The following PAIP2 variants were observed in gnomAD, a reference collection of about 807,000 sequenced individuals.
PAIP2 encodes the protein poly(A) binding protein interacting protein 2.
In PAIP2, 7 loss-of-function variants were observed where a neutral mutation model predicts 14.8. The ratio of observed to expected loss-of-function variants is 0.47; its 90% confidence interval spans 0.27 to 0.89. PAIP2 has a LOEUF of 0.89. PAIP2 is among the 40% of genes least tolerant of loss of function. PAIP2 has a pLI of 0.13. For synonymous variants in PAIP2, 47 were observed against 45.3 expected (o/e 1.04, Z -0.15); for missense variants, 122 against 154.7 (o/e 0.79, Z 1.12).
At chr5:139,366,808 C>A (rs1483473693) in intron 3 of PAIP2, among the ~76,000 whole-genome samples, 2 of 152,138 alleles carry the variant, frequency 1.3e-5, no homozygotes, top group African/African-American at 4.8e-5. Context: ...TGCTTGTAAT[C>A]CCAGCACTTT....
At chr5:139,352,705 A>G (rs1354446985) in intron 1 of PAIP2, among the ~76,000 whole-genome samples, 5 of 150,706 alleles carry the variant, frequency 3.3e-5, no homozygotes. Flanking sequence ...TCCTGACCTC[A>G]GGTGATCTTC....
In PAIP2 at chr5:139,368,889, CTG is replaced by C. The variant is rs752685890; in HGVS notation, c.*95_*96del. On this transcript the variant is annotated 3_prime_UTR_variant, in exon 4 of 4. Transcript: ENST00000265192. ...CTTAATTGTAAAAGCTCTCTTGTCA[CTG>C]TGTTACACTTATGCATTGCCAAAGT... 1.1e-6 allele frequency: 1 copy of C among 946,172 alleles called. No homozygotes were observed. The highest frequency in any genetic ancestry group is 1.7e-6 in the Non-Finnish European group (1 of 599,504). The allele number at this position is 946,172 out of a possible 1,614,324, so 58.6% of individuals were successfully genotyped here.
chr5:139,342,621 T>G (rs975385126), intron 1 of PAIP2: 3 of 152,188 alleles, frequency 2.0e-5, no homozygotes, highest in African/African-American at 7.2e-5. Flanking sequence ...TTTGGGGTAC[T>G]GGGAACCCTT....
At chr5:139,363,685 G>A (rs749106213) in intron 1 of PAIP2, 74 bp from the exon 2 acceptor site, 34 of 1,323,876 alleles carry the variant, frequency 2.6e-5, no homozygotes, top group Middle Eastern at 3.7e-4. Flanking sequence ...CCTGGATGAC[G>A]GAGTGAAACC....
chr5:139,356,856 C>G (rs1756930289), intron 1 of PAIP2, among the ~76,000 whole-genome samples: 1 of 143,170 alleles, frequency 7.0e-6, no homozygotes, highest in Non-Finnish European at 1.5e-5. Context: ...CACTGCACTT[C>G]AGCCTGAGTG....
intron 1 of PAIP2, among the ~76,000 whole-genome samples, chr5:139,361,581 T>G (rs1449645936): frequency 6.6e-6 from 1 of 152,168 alleles, no homozygotes; most frequent in Non-Finnish European, 1.5e-5. Context: ...TCAATTAGGT[T>G]AGATCATGTT....
chr5:139,368,864 C>CT lies in PAIP2; in HGVS notation c.*68dup. The CT allele has an allele frequency of 8.4e-7, 1 of 1,186,104 alleles. No homozygotes were observed. Among genetic ancestry groups the CT allele is most frequent in the Non-Finnish European group, 1.2e-6 (1 of 802,094 alleles). The allele number at this position is 1,186,104 out of a possible 1,614,324, so 73.5% of individuals were successfully genotyped here. ...ACACTGTGAAGGCAGTATTAGAAGA[C>CT]TTAATTGTAAAAGCTCTCTTGTCAC... On this transcript the variant is annotated 3_prime_UTR_variant, in exon 4 of 4. Transcript: ENST00000265192.
chr5:139,365,749 G>A (rs1757214842), intron 3 of PAIP2, among the ~76,000 whole-genome samples: 1 of 152,086 alleles, frequency 6.6e-6, no homozygotes, highest in Admixed American at 6.6e-5. Context: ...CGGCAACACT[G>A]TAGAGCTAGT....
intron 1 of PAIP2, among the ~76,000 whole-genome samples, chr5:139,355,203 C>T (rs780985823): frequency 7.7e-5 from 9 of 117,268 alleles, no homozygotes; most frequent in African/African-American, 2.3e-4. Flanking sequence ...AGTTTTCACT[C>T]TTGTTGCCCA....
intron 1 of PAIP2, among the ~76,000 whole-genome samples, chr5:139,352,946 G>A (rs560452070): frequency 4.6e-5 from 7 of 151,694 alleles, no homozygotes; most frequent in East Asian, 4.0e-4. Flanking sequence ...AGAAACTCCC[G>A]TCTCTACTAA....
chr5:139,367,872 C>G (rs1382974190), intron 3 of PAIP2, among the ~76,000 whole-genome samples: 9 of 152,284 alleles, frequency 5.9e-5, no homozygotes, highest in Admixed American at 3.9e-4. Flanking sequence ...TACACTTAAG[C>G]AAACTGAATT....
At chr5:139,348,836 C>G (rs922024328) in intron 1 of PAIP2, among the ~76,000 whole-genome samples, 4 of 151,930 alleles carry the variant, frequency 2.6e-5, no homozygotes, top group African/African-American at 9.7e-5. Flanking sequence ...TGCCACCACA[C>G]CCAGCTAATT....
At chr5:139,358,457 T>A (rs944976858) in intron 1 of PAIP2, among the ~76,000 whole-genome samples, 3 of 152,218 alleles carry the variant, frequency 2.0e-5, no homozygotes, top group Non-Finnish European at 4.4e-5. Context: ...TTTTTACTCA[T>A]TTTTTCTATC....
intron 3 of PAIP2, among the ~76,000 whole-genome samples, chr5:139,368,089 A>G (rs986591439): frequency 5.3e-5 from 8 of 152,330 alleles, no homozygotes; most frequent in African/African-American, 1.9e-4. Context: ...TAATCCCAGC[A>G]CTTTGGGAGG....
chr5:139,343,217 C>T (rs531254248), intron 1 of PAIP2: 1 of 152,222 alleles, frequency 6.6e-6, no homozygotes, highest in South Asian at 2.1e-4. Context: ...GAAAATTAGT[C>T]TGTTTATACT....
At chr5:139,360,212 G>A (rs562718196) in intron 1 of PAIP2, among the ~76,000 whole-genome samples, 8 of 152,094 alleles carry the variant, frequency 5.3e-5, no homozygotes, top group South Asian at 2.1e-4. Flanking sequence ...TGATCTGCCC[G>A]CCTTGGCCTC....
chr5:139,366,993 G>A (rs964466241), intron 3 of PAIP2, among the ~76,000 whole-genome samples: 1 of 152,174 alleles, frequency 6.6e-6, no homozygotes, highest in African/African-American at 2.4e-5. Context: ...CCAGGAGGCC[G>A]ATGCTGCAGT....
In PAIP2 at chr5:139,350,401, G is replaced by A. The variant is rs58056820; in HGVS notation, c.-27+8421G>A. On this transcript the variant is annotated intron_variant, in intron 1 of 3. Coordinates refer to ENST00000265192, the MANE Select transcript of PAIP2 (RefSeq NM_016480.5). ...TAATCCCAGCACTTTGGGAGGCCGA[G>A]GTGGGCGGATCATGAGGTCAGGAGT... 1.7e-3 allele frequency among the ~76,000 whole-genome samples: 263 copies of A among 152,180 alleles called. 3 individuals carry two copies. Among genetic ancestry groups the A allele is most frequent in the East Asian group, 0.015 (77 of 5,174 alleles).
At chr5:139,342,164 G>C (rs1024220517) in intron 1 of PAIP2, among the ~76,000 whole-genome samples, 184 bp downstream of exon 1, 3 of 152,078 alleles carry the variant, frequency 2.0e-5, no homozygotes, top group Non-Finnish European at 2.9e-5. Context: ...CTTCGTCTCT[G>C]TCTTCTCCGA....
Sources: gnomAD v4.1 joint callset for allele counts (sites outside exome capture counted in the v4.1 genomes callset) on GRCh38, gnomAD v4.1.1 for gene constraint, MANE v1.5 for transcripts, NCBI Gene and HGNC (gene_info 2026-07-23, HGNC 2026-07-21) for gene names.